LEMD1: variants seen among roughly 807,000 people sequenced by gnomAD.
The protein encoded by LEMD1 is LEM domain-containing protein 1.
LEMD1 carries 18 observed loss-of-function variants against 17.4 expected under a neutral mutation model. The observed-to-expected ratio is 1.04, with a 90% CI of 0.72 to 1.54. The LOEUF is 1.54. Among genes scored for constraint, LEMD1 ranks in the 40% most tolerant of loss-of-function variants. The pLI is 0.00. For synonymous variants in LEMD1, 88 were observed against 77.8 expected (o/e 1.13, Z -0.69); for missense variants, 195 against 210.4 (o/e 0.93, Z 0.45).
At chr1:205,416,094 G>A in intron 4 of LEMD1, 138 bp downstream of exon 4, 1 of 541,462 alleles carries the variant, frequency 1.8e-6, no homozygotes, top group Non-Finnish European at 3.1e-6. Context: ...GCATTAAAAT[G>A]ATCCTCTTTA....
chr1:205,405,892 C>A (rs1665072224), intron 4 of LEMD1, among the ~76,000 whole-genome samples: 1 of 151,846 alleles, frequency 6.6e-6, no homozygotes, highest in Admixed American at 6.6e-5. Flanking sequence ...GTGTGGATGT[C>A]CTTTCTGTTT....
intron 5 of LEMD1, 136 bp from the exon 6 acceptor site, chr1:205,381,992 C>T: frequency 1.3e-6 from 1 of 776,476 alleles, no homozygotes; most frequent in Non-Finnish European, 2.1e-6. Flanking sequence ...TTACTAAAAA[C>T]CTAGGCTAAT....
intron 4 of LEMD1, among the ~76,000 whole-genome samples, chr1:205,397,106 G>A (rs1664625601): frequency 2.6e-5 from 4 of 152,060 alleles, no homozygotes; most frequent in Non-Finnish European, 5.9e-5. Flanking sequence ...GCCTCCCATG[G>A]ACTCTCACTA....
Position 205,381,741 on chromosome 1 carries a change from C to T in LEMD1, c.463G>A (p.Gly155Ser). Residue 155 changes from glycine (G) to serine (S), a missense_variant, in exon 6 of 6, where the codon GGC becomes AGC. Transcript: ENST00000367153. ...ATACCAAGCACAGCAAGCTTCAAGC[C>T]CACTGGGAAACCTTCTTCTCTCCAG... is the stretch of plus-strand genomic sequence containing the variant. ...ESWREEGFPV[G>S]LKLAVLGIFI... The T allele has an allele frequency of 6.2e-7, 1 of 1,614,138 alleles. No homozygotes were observed. The highest frequency in any genetic ancestry group is 1.1e-5 in the South Asian group (1 of 91,070).
intron 1 of LEMD1, chr1:205,437,442 G>C (rs1418776652): frequency 2.6e-5 from 4 of 152,332 alleles, no homozygotes; most frequent in Admixed American, 6.5e-5. Flanking sequence ...CTCCCCTTGG[G>C]CCTGGCTGTA....
At chr1:205,382,340 C>A (rs112324433) in intron 5 of LEMD1, among the ~76,000 whole-genome samples, 1 of 151,476 alleles carries the variant, frequency 6.6e-6, no homozygotes. Context: ...TCAGTTGAGC[C>A]GAGGAGTTTG....
At chr1:205,399,594 TATAAG>T (rs1276907049) in intron 4 of LEMD1, among the ~76,000 whole-genome samples, 2 of 152,176 alleles carry the variant, frequency 1.3e-5, no homozygotes, top group African/African-American at 4.8e-5. Flanking sequence ...GCAGGAAAAG[TATAAG>T]ATGAGTCTGA....
chr1:205,402,229 A>G (rs1186754475), intron 4 of LEMD1, among the ~76,000 whole-genome samples: 5 of 152,090 alleles, frequency 3.3e-5, no homozygotes, highest in African/African-American at 1.2e-4. Flanking sequence ...GTTTTTTCCA[A>G]TTCTGTGAAG....
At chr1:205,442,431 T>C (rs992802381) in intron 1 of LEMD1, among the ~76,000 whole-genome samples, 1 of 152,238 alleles carries the variant, frequency 6.6e-6, no homozygotes, top group Non-Finnish European at 1.5e-5. Context: ...CTCTGGACAG[T>C]TCCACTGGTC....
chr1:205,406,447 G>A (rs1220900831), intron 4 of LEMD1, among the ~76,000 whole-genome samples: 2 of 152,240 alleles, frequency 1.3e-5, no homozygotes, highest in African/African-American at 4.8e-5. Flanking sequence ...CCGCCTTGCA[G>A]TTTGATCTCA....
intron 4 of LEMD1, among the ~76,000 whole-genome samples, chr1:205,388,156 A>G (rs1428952222): frequency 6.6e-6 from 1 of 151,640 alleles, no homozygotes; most frequent in Non-Finnish European, 1.5e-5. Flanking sequence ...CTGAACATCT[A>G]TTATCTTGGG....
At chr1:205,392,987 T>G (rs1008927677) in intron 4 of LEMD1, among the ~76,000 whole-genome samples, 2 of 152,144 alleles carry the variant, frequency 1.3e-5, no homozygotes, top group Non-Finnish European at 2.9e-5. Flanking sequence ...TACATGCTAA[T>G]AGTCCCAGCT....
chr1:205,388,310 G>A (rs931298568), intron 4 of LEMD1, among the ~76,000 whole-genome samples: 2 of 151,662 alleles, frequency 1.3e-5, no homozygotes, highest in African/African-American at 2.4e-5. Context: ...TGATTCTCCT[G>A]CCTCAGCCTC....
At chr1:205,396,429 A>G (rs967659727) in intron 4 of LEMD1, among the ~76,000 whole-genome samples, 1 of 152,174 alleles carries the variant, frequency 6.6e-6, no homozygotes. Flanking sequence ...CAGCAGTCCT[A>G]CTTGTAGGTA....
At chr1:205,434,650 C>A (rs541564018) in intron 1 of LEMD1, among the ~76,000 whole-genome samples, 1 of 152,120 alleles carries the variant, frequency 6.6e-6, no homozygotes. Flanking sequence ...GATAGCACAA[C>A]GGAGGCTCAC....
rs546267592 is a variant in LEMD1 at position 205,441,407 on chromosome 1, G to A, written c.-39+8461C>T. On this transcript the variant is annotated intron_variant, in intron 1 of 3. Transcript: ENST00000367154. This position sits in a 1 kb window ranked among gnomAD's most constrained non-coding sequence, Gnocchi z 4.3. Reference sequence around the variant, plus strand: ...ACCATATACCTGTGGTTGGGGAACAGGAAGCAAGCTGGCTTAAAATAGCCT... The same window carrying A: ...ACCATATACCTGTGGTTGGGGAACAAGAAGCAAGCTGGCTTAAAATAGCCT... Among the ~76,000 whole-genome samples the A allele has an allele frequency of 1.1e-4, 17 of 152,240 alleles. No homozygotes were observed. The highest frequency in any genetic ancestry group is 3.9e-4 in the African/African-American group (16 of 41,534).
chr1:205,403,723 T>G (rs1161213008), intron 4 of LEMD1, among the ~76,000 whole-genome samples: 1 of 152,186 alleles, frequency 6.6e-6, no homozygotes, highest in Admixed American at 6.5e-5. Flanking sequence ...CTGATTTTAG[T>G]TATTTCTTGC....
At chr1:205,397,248 C>T (rs2102373778) in intron 4 of LEMD1, among the ~76,000 whole-genome samples, 3 of 152,204 alleles carry the variant, frequency 2.0e-5, no homozygotes, top group Admixed American at 2.0e-4. Context: ...TTTTTTCCTC[C>T]CCTGTGGCCT....
intron 1 of LEMD1, 80 bp from the exon 2 acceptor site, chr1:205,420,654 T>A: frequency 1.3e-6 from 1 of 768,354 alleles, no homozygotes; most frequent in South Asian, 1.5e-5. Context: ...CATAAGTGTT[T>A]ATAATCCTAT....
Sources: allele counts gnomAD v4.1 joint callset (sites outside exome capture counted in the v4.1 genomes callset), GRCh38; gene constraint gnomAD v4.1.1; non-coding constraint Gnocchi (gnomAD v3.1); transcripts MANE v1.5; gene names NCBI Gene and HGNC (gene_info 2026-07-23, HGNC 2026-07-21).